REC114: variants seen among roughly 807,000 people sequenced by gnomAD.
The protein encoded by REC114 is meiotic recombination protein REC114.
REC114 carries 27 observed loss-of-function variants against 31.3 expected under a neutral mutation model. The observed-to-expected ratio is 0.86, with a 90% CI of 0.64 to 1.19. REC114 has a LOEUF of 1.19. Among genes scored for constraint, REC114 ranks in the 50% most tolerant of loss-of-function variants. REC114 has a pLI of 0.00. For synonymous variants in REC114, 134 were observed against 127.7 expected, an observed-to-expected ratio of 1.05 and a Z score of -0.33; for missense variants, 344 against 326.9, an observed-to-expected ratio of 1.05 and a Z score of -0.40.
chr15:73,528,846 T>G (rs1894039458), intron 2 of REC114, among the ~76,000 whole-genome samples: 1 of 152,082 alleles, frequency 6.6e-6, no homozygotes, highest in Admixed American at 6.5e-5. Flanking sequence ...TGTCAATCCC[T>G]AATCTAGAGG....
At chr15:73,557,062 A>AT (rs56187612) in intron 5 of REC114, among the ~76,000 whole-genome samples, 3,271 of 137,138 alleles carry the variant, frequency 0.024, 46 homozygotes, top group East Asian at 0.064. Context: ...TTCAAGTATG[A>AT]TTTTTTTTTT....
intron 2 of REC114, among the ~76,000 whole-genome samples, chr15:73,521,188 C>A (rs993338729): frequency 6.6e-6 from 1 of 152,184 alleles, no homozygotes; most frequent in African/African-American, 2.4e-5. Context: ...GACTTCAACA[C>A]ACCCCTCTCA....
intron 5 of REC114, among the ~76,000 whole-genome samples, chr15:73,556,786 C>G (rs1390967376): frequency 6.6e-6 from 1 of 152,146 alleles, no homozygotes; most frequent in Non-Finnish European, 1.5e-5. Context: ...GGATTCAGAT[C>G]TACAACAATT....
At position 73,559,928 on chromosome 15, in the gene REC114, C is replaced by T; in HGVS notation, c.*12C>T. On this transcript the variant is annotated 3_prime_UTR_variant, in exon 6 of 6. Transcript: ENST00000331090. ...GTTTGAGAAATTAATGCTCTATATA[C>T]ATATATAACTAAGGAACTTCAAAGT... is the stretch of plus-strand genomic sequence containing the variant. 3.2e-6 allele frequency: 5 copies of T among 1,572,144 alleles called. No homozygotes were observed. Among genetic ancestry groups the T allele is most frequent in the Non-Finnish European group, 4.3e-6 (5 of 1,166,988 alleles).
At chr15:73,457,774 A>C (rs1384655810) in intron 1 of REC114, among the ~76,000 whole-genome samples, 1 of 152,184 alleles carries the variant, frequency 6.6e-6, no homozygotes, top group Non-Finnish European at 1.5e-5. Flanking sequence ...GTCTATAGTG[A>C]GTCTTTTGAT....
intron 2 of REC114, among the ~76,000 whole-genome samples, chr15:73,489,324 C>G (rs1268722907): frequency 1.3e-5 from 2 of 151,772 alleles, no homozygotes; most frequent in Non-Finnish European, 2.9e-5. Flanking sequence ...CTGCCTCGGC[C>G]TCCTGAGTGG....
At chr15:73,523,480 T>A (rs765303803) in intron 2 of REC114, among the ~76,000 whole-genome samples, 2 of 152,242 alleles carry the variant, frequency 1.3e-5, no homozygotes, top group Non-Finnish European at 2.9e-5. Flanking sequence ...ACTTAGCTAT[T>A]GTTACAGGTG....
At chr15:73,503,997 ATTTTTTT>A (rs71137349) in intron 2 of REC114, among the ~76,000 whole-genome samples, 3 of 64,036 alleles carry the variant, frequency 4.7e-5, no homozygotes, top group East Asian at 4.2e-4. Context: ...TCCCATAGGA[ATTTTTTT>A]TTTTTTTTTT....
chr15:73,518,635 TG>T (rs1489739788), intron 2 of REC114, among the ~76,000 whole-genome samples: 1 of 152,210 alleles, frequency 6.6e-6, no homozygotes, highest in African/African-American at 2.4e-5. Context: ...AAAGTAGCCT[TG>T]TCTGAATCAC....
chr15:73,481,486 T>A (rs1388600658), intron 2 of REC114, among the ~76,000 whole-genome samples: 1 of 152,080 alleles, frequency 6.6e-6, no homozygotes, highest in Non-Finnish European at 1.5e-5. Flanking sequence ...GGCTGAGATA[T>A]CTTGACCCCA....
chr15:73,496,073 G>A (rs1330536331), intron 2 of REC114, among the ~76,000 whole-genome samples: 1 of 151,948 alleles, frequency 6.6e-6, no homozygotes, highest in African/African-American at 2.4e-5. Flanking sequence ...AAAAAAGTTG[G>A]CTGGGTGCGG....
In REC114 at chr15:73,526,316, TTTCTGTG is replaced by T. The variant is rs1286437356; in HGVS notation, c.250-14167_250-14161del. The stretch of plus-strand genomic sequence containing the variant: ...TTAGACCCTTTGCATTTAATGTGAT[TTTCTGTG>T]TAAGTTTAAATCTGCCATCTTGTTA... On this transcript the variant is annotated intron_variant, in intron 2 of 5. Coordinates refer to ENST00000331090, the MANE Select transcript of REC114 (RefSeq NM_001042367.2). 2.0e-5 allele frequency among the ~76,000 whole-genome samples: 3 copies of T among 152,358 alleles called. No homozygotes were observed. In the East Asian group the frequency reaches 5.8e-4, roughly 29 times the overall value.
intron 2 of REC114, among the ~76,000 whole-genome samples, chr15:73,486,380 G>A (rs947966177): frequency 2.0e-5 from 3 of 152,194 alleles, no homozygotes; most frequent in African/African-American, 7.2e-5. Flanking sequence ...ACAGGCATGA[G>A]CCACTGTACC....
chr15:73,537,408 T>C (rs1168622294), intron 2 of REC114, among the ~76,000 whole-genome samples: 1 of 152,174 alleles, frequency 6.6e-6, no homozygotes, highest in Admixed American at 6.5e-5. Context: ...TAAGAGTTGC[T>C]GTTGAGGAGG....
intron 3 of REC114, among the ~76,000 whole-genome samples, chr15:73,544,989 C>T (rs755269227): frequency 9.9e-5 from 15 of 152,274 alleles, no homozygotes; most frequent in African/African-American, 2.2e-4. Context: ...CAGGGCATGA[C>T]GATGCCTTGG....
intron 2 of REC114, among the ~76,000 whole-genome samples, chr15:73,494,489 C>G (rs1893489281): frequency 7.2e-6 from 1 of 138,840 alleles, no homozygotes; most frequent in East Asian, 2.1e-4. Flanking sequence ...AAGACCCTGT[C>G]TCAAAAAAAA....
intron 2 of REC114, among the ~76,000 whole-genome samples, chr15:73,497,685 G>A (rs148069506): frequency 1.0e-3 from 154 of 152,264 alleles, no homozygotes; most frequent in African/African-American, 3.6e-3. Context: ...TAGTAATATT[G>A]TCATTATTTT....
At chr15:73,534,292 C>T (rs1894125997) in intron 2 of REC114, among the ~76,000 whole-genome samples, 1 of 151,718 alleles carries the variant, frequency 6.6e-6, no homozygotes, top group Admixed American at 6.6e-5. Context: ...GCTAGCAAGA[C>T]TAATAAAAAA....
chr15:73,521,201 A>G (rs1271455883), intron 2 of REC114, among the ~76,000 whole-genome samples: 1 of 152,236 alleles, frequency 6.6e-6, no homozygotes, highest in East Asian at 1.9e-4. Flanking sequence ...CCCTCTCAAT[A>G]GCAAATAGAA....
Sources: allele counts gnomAD v4.1 joint callset (sites outside exome capture counted in the v4.1 genomes callset), GRCh38; gene constraint gnomAD v4.1.1; transcripts MANE v1.5; gene names NCBI Gene and HGNC (gene_info 2026-07-23, HGNC 2026-07-21).